PRDM16: variants seen among roughly 807,000 people sequenced by gnomAD.
PRDM16 encodes PR/SET domain 16.
PRDM16 carries 23 observed loss-of-function variants against 110.6 expected under a neutral mutation model. The ratio of observed to expected loss-of-function variants is 0.21; its 90% CI spans 0.15 to 0.29. The LOEUF is 0.29. Among genes scored for constraint, PRDM16 ranks in the 10% least tolerant of loss-of-function variants. PRDM16 has a pLI of 1.00. For synonymous variants in PRDM16, 799 were observed against 781.8 expected (o/e 1.02, Z -0.37); for missense variants, 1,615 against 1,794.3 (o/e 0.90, Z 1.81).
chr1:3,349,418 A>G (rs1446486329), intron 3 of PRDM16, among the ~76,000 whole-genome samples: 1 of 152,206 alleles, frequency 6.6e-6, no homozygotes, highest in East Asian at 1.9e-4. Context: ...TCAGGCTCCC[A>G]GCAAGTGGCC....
intron 3 of PRDM16, among the ~76,000 whole-genome samples, chr1:3,266,381 T>C (rs1037135482): frequency 6.6e-6 from 1 of 152,066 alleles, no homozygotes; most frequent in Non-Finnish European, 1.5e-5. Flanking sequence ...CGCCGGAGCC[T>C]TTTCGCCCCG....
At chr1:3,128,489 G>A (rs898512196) in intron 1 of PRDM16, among the ~76,000 whole-genome samples, 4 of 152,148 alleles carry the variant, frequency 2.6e-5, no homozygotes, top group Non-Finnish European at 2.9e-5. Context: ...GCATGGCTCC[G>A]CACCCAGGAC....
rs374836387 is a variant in PRDM16, at chr1:3,405,379, C to T, written c.1033-116C>T. The stretch of plus-strand genomic sequence containing the variant: ...CCGGCCTGCTTGGTGCAGACTGCAA[C>T]GTGGCAAGAGAGACAGGCAGGGCCC... On this transcript the variant is annotated intron_variant, in intron 7 of 16. Transcript: ENST00000270722. 351 of 1,222,576 alleles carry T rather than the reference C, an allele frequency of 2.9e-4. 1 individual carries two copies. In the East Asian group the frequency reaches 8.5e-3, roughly 30 times the overall value. 75.7% of individuals were successfully genotyped at this position (1,222,576 alleles called of 1,614,324 possible). A position where few individuals can be genotyped will look rare whatever the true frequency, so the allele number is the denominator to read the frequency against.
rs1638842509 is a variant in PRDM16, at chr1:3,209,936, T to C, written c.387+23462T>C. ...TGTGTTAGCCCTTTCACAGAACTCT[T>C]ACTTAACATGGAAAATATCGTAGCA... On this transcript the variant is annotated intron_variant, in intron 2 of 16. Coordinates refer to ENST00000270722, the MANE Select transcript of PRDM16 (RefSeq NM_022114.4). This position sits in a 1 kb window ranked among gnomAD's most constrained non-coding sequence, Gnocchi z 4.6. Among the ~76,000 whole-genome samples, 1 of 152,188 alleles carries C rather than the reference T, an allele frequency of 6.6e-6. No homozygotes were observed. Among genetic ancestry groups the C allele is most frequent in the Non-Finnish European group, 1.5e-5 (1 of 68,032 alleles).
In PRDM16 at chr1:3,298,458, T is replaced by G. The variant is rs60415864; in HGVS notation, c.438+54321T>G. Among the ~76,000 whole-genome samples, 782 of 152,358 alleles carry G rather than the reference T, an allele frequency of 5.1e-3. 4 individuals carry two copies. Among genetic ancestry groups the G allele is most frequent in the African/African-American group, 0.018 (740 of 41,592 alleles). On this transcript the variant is annotated intron_variant, in intron 3 of 16. Transcript: ENST00000270722. ...GAGCTTCGTTGCTCGATGGAGGCAC[T>G]GAAGCTTTCACTTTACTTAGTTTTA...
chr1:3,198,807 C>T (rs1638546837), intron 2 of PRDM16, among the ~76,000 whole-genome samples: 1 of 152,162 alleles, frequency 6.6e-6, no homozygotes, highest in Non-Finnish European at 1.5e-5. Flanking sequence ...TGGGCTAATG[C>T]CCAGTTTAAT....
At chr1:3,238,842 C>T (rs1639597973) in intron 2 of PRDM16, among the ~76,000 whole-genome samples, 1 of 152,228 alleles carries the variant, frequency 6.6e-6, no homozygotes, top group Non-Finnish European at 1.5e-5. Context: ...TCAGGAGGCC[C>T]AGACTCGAGT....
At chr1:3,135,353 G>A (rs1307547528) in intron 1 of PRDM16, among the ~76,000 whole-genome samples, 1 of 152,210 alleles carries the variant, frequency 6.6e-6, no homozygotes, top group Non-Finnish European at 1.5e-5. Flanking sequence ...TTCCTGCCTT[G>A]CAGACACCGA....
At chr1:3,249,059 T>C (rs1012987309) in intron 3 of PRDM16, among the ~76,000 whole-genome samples, 5 of 152,202 alleles carry the variant, frequency 3.3e-5, no homozygotes, top group Non-Finnish European at 4.4e-5. Context: ...TCCAGGCAGT[T>C]TGTGAGCAGG....
At chr1:3,161,680 A>G (rs528673570) in intron 1 of PRDM16, among the ~76,000 whole-genome samples, 1 of 152,336 alleles carries the variant, frequency 6.6e-6, no homozygotes, top group East Asian at 1.9e-4. Flanking sequence ...AGAGGGCTCC[A>G]GCCCCAGCAG....
chr1:3,277,723 A>T (rs1042518273), intron 3 of PRDM16, among the ~76,000 whole-genome samples: 1 of 151,192 alleles, frequency 6.6e-6, no homozygotes, highest in African/African-American at 2.5e-5. Flanking sequence ...ACATGCACAC[A>T]CACACGCGCG....
chr1:3,225,159 G>GA lies in PRDM16; in HGVS notation c.388-18919dup, dbSNP rs57750843. Among the ~76,000 whole-genome samples, 8 of 150,634 alleles carry GA rather than the reference G, an allele frequency of 5.3e-5. No homozygotes were observed. In the South Asian group the frequency reaches 6.3e-4, roughly 12 times the overall value. ...CAAAATATGGCTTTTAGCTTGGAAG[G>GA]AAAAAAAAAGGCATAGAGGGCATTT... On this transcript the variant is annotated intron_variant, in intron 2 of 16. Transcript: ENST00000270722.
At chr1:3,158,922 A>G (rs1643878490) in intron 1 of PRDM16, among the ~76,000 whole-genome samples, 1 of 151,928 alleles carries the variant, frequency 6.6e-6, no homozygotes, top group African/African-American at 2.4e-5. Flanking sequence ...GGCGCCTGCC[A>G]CCACATCTGG....
chr1:3,429,127 CT>C (rs34869178), intron 14 of PRDM16, among the ~76,000 whole-genome samples: 24,340 of 152,286 alleles, frequency 0.16, 2,249 homozygotes, highest in Non-Finnish European at 0.21. Flanking sequence ...GGGACAGATT[CT>C]CCCCCAGAGT....
chr1:3,116,688 C>T (rs1056746409), intron 1 of PRDM16, among the ~76,000 whole-genome samples: 2 of 152,274 alleles, frequency 1.3e-5, no homozygotes, highest in Admixed American at 1.3e-4. Context: ...TCTGGCCAGA[C>T]GATGGTCAGG....
In PRDM16 at chr1:3,135,919, G is replaced by C. The variant is rs745912404; in HGVS notation, c.38-50206G>C. Among the ~76,000 whole-genome samples, 6 of 151,910 alleles carry C rather than the reference G, an allele frequency of 3.9e-5. No individual in the cohort carries two copies. The East Asian group carries it at 9.7e-4, about 25-fold the overall frequency. On this transcript the variant is annotated intron_variant, in intron 1 of 16. Coordinates refer to ENST00000270722, the MANE Select transcript of PRDM16 (RefSeq NM_022114.4). ...CCTACAGAGCCTGGGGCTGCAGAGCGGGGCAGGGGCCTCTTGGCGGCCTGG... is the reference window on the plus strand; with the variant it reads ...CCTACAGAGCCTGGGGCTGCAGAGCCGGGCAGGGGCCTCTTGGCGGCCTGG...
intron 4 of PRDM16, among the ~76,000 whole-genome samples, chr1:3,395,063 G>A (rs1488402931): frequency 6.6e-6 from 1 of 152,226 alleles, no homozygotes; most frequent in African/African-American, 2.4e-5. Context: ...GGGTGTCTTG[G>A]GAGTAGCAGA....
rs989588731 is a variant in PRDM16, at chr1:3,157,452, G to A, written c.38-28673G>A. Among the ~76,000 whole-genome samples, 15 of 144,804 alleles carry A rather than the reference G, an allele frequency of 1.0e-4. No homozygotes were observed. The highest frequency in any genetic ancestry group is 2.0e-4 in the Non-Finnish European group (13 of 66,178). 95.0% of individuals were successfully genotyped at this position (144,804 alleles called of 152,430 possible). A position where few individuals can be genotyped will look rare whatever the true frequency, so the allele number is the denominator to read the frequency against. ...AAAAAAAAAAAAAAAACACCTTTGT[G>A]GGGGCTGGGGGTTGATTGTCTCTTG... On this transcript the variant is annotated intron_variant, in intron 1 of 16. Coordinates refer to ENST00000270722, the MANE Select transcript of PRDM16 (RefSeq NM_022114.4). The surrounding 1 kb of genome is among the most constrained non-coding windows in gnomAD (Gnocchi z 4.8).
intron 3 of PRDM16, among the ~76,000 whole-genome samples, chr1:3,250,899 G>C (rs1222054497): frequency 6.6e-6 from 1 of 152,188 alleles, no homozygotes; most frequent in Admixed American, 6.5e-5. Flanking sequence ...AGTGGGGCTG[G>C]AGTGGATGGA....
Sources: allele counts gnomAD v4.1 joint callset (sites outside exome capture counted in the v4.1 genomes callset), GRCh38; gene constraint gnomAD v4.1.1; non-coding constraint Gnocchi (gnomAD v3.1); transcripts MANE v1.5; gene names NCBI Gene and HGNC (gene_info 2026-07-23, HGNC 2026-07-21).